The following DUS2 variants were observed in gnomAD, a reference collection of about 807,000 sequenced individuals.
DUS2 encodes dihydrouridine synthase 2.
In DUS2, 52 loss-of-function variants were observed where a neutral mutation model predicts 71.3. The ratio of observed to expected loss-of-function variants is 0.73; its 90% CI spans 0.58 to 0.92. The LOEUF (loss-of-function observed/expected upper bound fraction) is 0.92, where lower values mean the gene tolerates loss of function less well. DUS2 is among the 40% of genes least tolerant of loss of function. The probability of loss-of-function intolerance (pLI) is 0.00; values close to 1 mark genes in which losing one functional copy is unlikely to be tolerated. For synonymous variants in DUS2, 204 were observed against 227.8 expected (o/e 0.90, Z 0.94); for missense variants, 558 against 622.6 (o/e 0.90, Z 1.10).
At chr16:68,043,258 T>C (rs1036334031) in intron 3 of DUS2, among the ~76,000 whole-genome samples, 24 of 152,162 alleles carry the variant, frequency 1.6e-4, no homozygotes, top group African/African-American at 5.5e-4. Context: ...ATACAAAAAT[T>C]AGCCGGGTGT....
intron 3 of DUS2, among the ~76,000 whole-genome samples, chr16:68,041,195 C>T (rs542289585): frequency 1.6e-4 from 24 of 152,232 alleles, no homozygotes; most frequent in African/African-American, 5.5e-4. Flanking sequence ...CACTGCACTC[C>T]AGCCTGGGCG....
chr16:68,061,123 C>T lies in DUS2; in HGVS notation c.417+10C>T, dbSNP rs369465133. ...TGACAAGATTGAGAAGGTAAGTCCT[C>T]CACGAGTGAAAGCAGGGGTCCTCAA... On this transcript the variant is annotated intron_variant, in intron 8 of 16. Coordinates refer to ENST00000565263, the MANE Select transcript of DUS2 (RefSeq NM_017803.5). 40 of 1,613,844 alleles carry T rather than the reference C, an allele frequency of 2.5e-5. 1 individual carries two copies. The highest frequency in any genetic ancestry group is 9.3e-5 in the African/African-American group (7 of 74,908).
At chr16:68,075,792 T>A (rs1023409008) in intron 14 of DUS2, among the ~76,000 whole-genome samples, 3 of 152,146 alleles carry the variant, frequency 2.0e-5, no homozygotes, top group African/African-American at 7.2e-5. Flanking sequence ...AAGTCTGTGC[T>A]TTTCCAAGGC....
intron 10 of DUS2, among the ~76,000 whole-genome samples, chr16:68,069,779 G>A (rs149533356): frequency 1.3e-5 from 2 of 152,312 alleles, no homozygotes; most frequent in Non-Finnish European, 2.9e-5. Flanking sequence ...AGTAGGGGCA[G>A]CACTCTTATG....
In DUS2 at chr16:68,053,577, A is replaced by G; in HGVS notation, c.186A>G (p.Thr62=). The change falls in exon 5 of 17, where the codon ACA becomes ACG. Residue 62 remains threonine, a synonymous_variant. Transcript: ENST00000565263. ...CKRVVNEVLS[T]VDFVAPDDRV... ...GTTTTCTTGCAGAGGTGCTCAGCAC[A>G]GTGGACTTTGTCGCCCCTGATGATC... The G allele has an allele frequency of 1.2e-6, 2 of 1,614,240 alleles. No individual in the cohort carries two copies. The highest frequency in any genetic ancestry group is 1.7e-6 in the Non-Finnish European group (2 of 1,180,038).
chr16:68,033,033 G>A (rs1259490454), intron 2 of DUS2, among the ~76,000 whole-genome samples: 1 of 152,112 alleles, frequency 6.6e-6, no homozygotes. Context: ...GGGCCTTGTG[G>A]GCCATTAGAA....
At chr16:68,025,096 C>G (rs1488336095) in intron 1 of DUS2, among the ~76,000 whole-genome samples, 4 of 152,110 alleles carry the variant, frequency 2.6e-5, no homozygotes, top group Non-Finnish European at 5.9e-5. Flanking sequence ...TCCCAAAGTG[C>G]TGAGATTACA....
At chr16:68,047,804 C>T (rs955980998) in intron 3 of DUS2, among the ~76,000 whole-genome samples, 2 of 142,416 alleles carry the variant, frequency 1.4e-5, no homozygotes, top group African/African-American at 5.2e-5. Flanking sequence ...TTTTTTGAGA[C>T]AGGTGTCACT....
intron 12 of DUS2, 77 bp downstream of exon 12, chr16:68,071,185 C>T: frequency 6.6e-7 from 1 of 1,508,066 alleles, no homozygotes; most frequent in South Asian, 1.2e-5. Flanking sequence ...TTGTGTGAGC[C>T]CCCAGCTGCC....
chr16:68,026,577 A>T (rs1232960166), intron 2 of DUS2, among the ~76,000 whole-genome samples: 1 of 151,864 alleles, frequency 6.6e-6, no homozygotes, highest in Non-Finnish European at 1.5e-5. Flanking sequence ...TTCCCGAGTG[A>T]TGTTATTAAA....
chr16:68,052,731 C>A (rs1045550909), intron 4 of DUS2, among the ~76,000 whole-genome samples: 2 of 151,626 alleles, frequency 1.3e-5, no homozygotes, highest in African/African-American at 2.4e-5. Flanking sequence ...CAATCTCTGC[C>A]TCCCAGGTTC....
intron 3 of DUS2, among the ~76,000 whole-genome samples, chr16:68,038,533 C>T (rs2033569193): frequency 6.6e-6 from 1 of 151,848 alleles, no homozygotes; most frequent in Non-Finnish European, 1.5e-5. Flanking sequence ...AGTTCGAGAC[C>T]AGTCTGGCCA....
At chr16:68,047,503 A>G (rs1232685936) in intron 3 of DUS2, among the ~76,000 whole-genome samples, 2 of 151,264 alleles carry the variant, frequency 1.3e-5, no homozygotes, top group Admixed American at 1.3e-4. Flanking sequence ...TTTTCCCGAG[A>G]TGGAGTCTTG....
Position 68,068,587 on chromosome 16 carries a change from T to C in DUS2, c.555-1547T>C, listed in dbSNP as rs1216432666. Among the ~76,000 whole-genome samples, 57 of 85,454 alleles carry C rather than the reference T, an allele frequency of 6.7e-4. No individual in the cohort carries two copies. In the Middle Eastern group the frequency reaches 0.031, roughly 46 times the overall value. The allele number at this position is 85,454 out of a possible 152,430, so 56.1% of individuals were successfully genotyped here. A position where few individuals can be genotyped will look rare whatever the true frequency, so the allele number is the denominator to read the frequency against. On this transcript the variant is annotated intron_variant, in intron 10 of 16. Coordinates refer to ENST00000565263, the MANE Select transcript of DUS2 (RefSeq NM_017803.5). ...GCATGTAGTATTCTTTCTCTCTCTT[T>C]TTTTTTTTTTTTTTTTTTTGAGACG...
chr16:68,078,416 C>T (rs754282746), intron 15 of DUS2, 29 bp from the exon 16 acceptor site: 18 of 1,607,574 alleles, frequency 1.1e-5, no homozygotes, highest in Non-Finnish European at 1.5e-5. Context: ...ATTTCTCTGG[C>T]CATGTGATTC....
chr16:68,028,568 G>A (rs2033390956), intron 2 of DUS2, among the ~76,000 whole-genome samples: 2 of 152,154 alleles, frequency 1.3e-5, no homozygotes, highest in Admixed American at 1.3e-4. Context: ...GAACCCGGGA[G>A]GCGGAGGTTG....
At chr16:68,065,321 G>A (rs2033990314) in intron 8 of DUS2, among the ~76,000 whole-genome samples, 2 of 151,264 alleles carry the variant, frequency 1.3e-5, no homozygotes, top group African/African-American at 4.9e-5. Context: ...GTAAGTCCTG[G>A]AACAACACTT....
At position 68,074,166 on chromosome 16, in the gene DUS2, C is replaced by T; in HGVS notation, c.932+11C>T. On this transcript the variant is annotated intron_variant, in intron 13 of 16. Transcript: ENST00000565263. ...TTCCCGGGAAATTTGGTAAGAGGCA[C>T]AATAAGATGTCCATCTGTCCTTGTA... 1 of 1,613,894 alleles carries T rather than the reference C, an allele frequency of 6.2e-7. No homozygotes were observed. The highest frequency in any genetic ancestry group is 8.5e-7 in the Non-Finnish European group (1 of 1,179,846).
At chr16:68,054,806 A>G (rs933558759) in intron 6 of DUS2, among the ~76,000 whole-genome samples, 189 bp downstream of exon 6, 1 of 152,038 alleles carries the variant, frequency 6.6e-6, no homozygotes, top group Admixed American at 6.6e-5. Flanking sequence ...GCATTTTGGG[A>G]GGCTGAGGCA....
Sources: allele counts gnomAD v4.1 joint callset (sites outside exome capture counted in the v4.1 genomes callset), GRCh38; gene constraint gnomAD v4.1.1; transcripts MANE v1.5; gene names NCBI Gene and HGNC (gene_info 2026-07-23, HGNC 2026-07-21).